The following DCLK2 variants were observed in gnomAD, a reference collection of about 807,000 sequenced individuals.
DCLK2 encodes serine/threonine-protein kinase DCLK2.
In DCLK2, 31 loss-of-function variants were observed where a neutral mutation model predicts 78.4. The observed-to-expected ratio is 0.40, with a 90% CI of 0.30 to 0.53. The LOEUF is 0.53. Among genes scored for constraint, DCLK2 ranks in the 20% least tolerant of loss-of-function variants. The pLI is 0.61. For missense variants in DCLK2, 872 were observed against 973.7 expected (o/e 0.90, Z 1.39); for synonymous variants, 407 against 374.9 (o/e 1.09, Z -0.99).
chr4:150,092,896 A>G (rs915904310), intron 1 of DCLK2, among the ~76,000 whole-genome samples: 2 of 152,120 alleles, frequency 1.3e-5, no homozygotes, highest in African/African-American at 4.8e-5. Context: ...AAGGATGCCC[A>G]CTCTTGCCAC....
At position 150,144,660 on chromosome 4, in the gene DCLK2, C is replaced by A. The variant is rs533722642; in HGVS notation, c.756+41848C>A. 5.3e-5 allele frequency among the ~76,000 whole-genome samples: 8 copies of A among 152,248 alleles called. No homozygotes were observed. The South Asian group carries it at 1.7e-3, about 32-fold the overall frequency. On this transcript the variant is annotated intron_variant, in intron 2 of 15. Transcript: ENST00000296550. ...GGAGTGCAGTGGCATGATCACAGCT[C>A]ACTGCAGCCTCAAACTCTTGGGCTC...
intron 2 of DCLK2, among the ~76,000 whole-genome samples, chr4:150,167,309 A>C (rs1023522427): frequency 6.6e-6 from 1 of 152,260 alleles, no homozygotes; most frequent in Non-Finnish European, 1.5e-5. Context: ...TGACTACACA[A>C]GTGACTGCTA....
At chr4:150,120,907 A>G (rs1732482506) in intron 2 of DCLK2, among the ~76,000 whole-genome samples, 2 of 152,066 alleles carry the variant, frequency 1.3e-5, no homozygotes, top group Non-Finnish European at 2.9e-5. Flanking sequence ...CATCTCTACT[A>G]AAAATACAAA....
intron 1 of DCLK2, among the ~76,000 whole-genome samples, chr4:150,093,184 A>G (rs1476897354): frequency 6.6e-6 from 1 of 152,236 alleles, no homozygotes; most frequent in Non-Finnish European, 1.5e-5. Context: ...ATAGCATTAC[A>G]AAATTAAATA....
At chr4:150,247,178 G>A (rs898791570) in intron 12 of DCLK2, among the ~76,000 whole-genome samples, 2 of 151,968 alleles carry the variant, frequency 1.3e-5, no homozygotes, top group African/African-American at 2.4e-5. Flanking sequence ...CATTATTTGT[G>A]GATTCAAATA....
chr4:150,097,422 C>T (rs1159690353), intron 1 of DCLK2, among the ~76,000 whole-genome samples: 2 of 152,126 alleles, frequency 1.3e-5, no homozygotes, highest in Admixed American at 6.5e-5. Context: ...CTTGGCCTCC[C>T]AAAATGCTGG....
chr4:150,101,198 T>C (rs1730865918), intron 1 of DCLK2, among the ~76,000 whole-genome samples: 1 of 152,146 alleles, frequency 6.6e-6, no homozygotes, highest in Non-Finnish European at 1.5e-5. Context: ...GAGGCTGCAG[T>C]GAGCCATGAT....
Position 150,095,720 on chromosome 4 carries a change from C to T in DCLK2, c.422-6758C>T, listed in dbSNP as rs182787341. On this transcript the variant is annotated intron_variant, in intron 1 of 15. Coordinates refer to ENST00000296550, the MANE Select transcript of DCLK2 (RefSeq NM_001040260.4). The stretch of plus-strand genomic sequence containing the variant: ...TAAGTGATTGAACCAATCAGTTTTT[C>T]CTAAGTGATTTAACCAATTTAAAAG... Among the ~76,000 whole-genome samples, 452 of 152,220 alleles carry T rather than the reference C, an allele frequency of 3.0e-3. 4 individuals are homozygous for T. The highest frequency in any genetic ancestry group is 0.01 in the African/African-American group (432 of 41,528).
Position 150,243,188 on chromosome 4 carries a change from G to A in DCLK2, c.1778+2712G>A, listed in dbSNP as rs557382586. 2.0e-5 allele frequency among the ~76,000 whole-genome samples: 3 copies of A among 152,294 alleles called. No individual in the cohort carries two copies. The East Asian group carries it at 5.8e-4, about 29-fold the overall frequency. On this transcript the variant is annotated intron_variant, in intron 12 of 15. Transcript: ENST00000296550. ...ATCATGGATTGATACTGAACGGGGA[G>A]CAGCTTTTTTGTGGGGTCTAGAGAT...
At chr4:150,132,161 C>G (rs1733358449) in intron 2 of DCLK2, among the ~76,000 whole-genome samples, 1 of 151,584 alleles carries the variant, frequency 6.6e-6, no homozygotes, top group Non-Finnish European at 1.5e-5. Context: ...GCTGCTATCC[C>G]CTCCTCTTCA....
intron 1 of DCLK2, among the ~76,000 whole-genome samples, chr4:150,086,354 C>G (rs1464557649): frequency 6.6e-6 from 1 of 152,020 alleles, no homozygotes; most frequent in Non-Finnish European, 1.5e-5. Flanking sequence ...TTCCTTGCCC[C>G]TTTGTGTTTC....
intron 2 of DCLK2, among the ~76,000 whole-genome samples, chr4:150,105,390 C>T (rs553596424): frequency 6.6e-6 from 1 of 151,324 alleles, no homozygotes; most frequent in African/African-American, 2.5e-5. Context: ...AATTAGTGAA[C>T]ATTAAAAAAT....
chr4:150,175,393 A>G (rs1334412809), intron 2 of DCLK2: 3 of 151,702 alleles, frequency 2.0e-5, no homozygotes, highest in African/African-American at 7.3e-5. Context: ...CAGAACCAGC[A>G]ATTGTGGTCT....
At chr4:150,243,614 C>T (rs1390042355) in intron 12 of DCLK2, among the ~76,000 whole-genome samples, 1 of 152,194 alleles carries the variant, frequency 6.6e-6, no homozygotes, top group Non-Finnish European at 1.5e-5. Context: ...AAACTACAAT[C>T]GTTACTTGGA....
At chr4:150,105,706 ATAGTTGT>A (rs1353397827) in intron 2 of DCLK2, among the ~76,000 whole-genome samples, 1 of 152,074 alleles carries the variant, frequency 6.6e-6, no homozygotes, top group African/African-American at 2.4e-5. Flanking sequence ...AAAGTAGAAA[ATAGTTGT>A]TATATTACCA....
At chr4:150,249,785 C>T (rs140907735) in intron 15 of DCLK2, 101 bp downstream of exon 15, 305 of 916,258 alleles carry the variant, frequency 3.3e-4, no homozygotes, top group South Asian at 3.1e-3. Context: ...TGGTGCCTTC[C>T]GTAGTCCTAT....
At chr4:150,160,717 C>T (rs1444469162) in intron 2 of DCLK2, among the ~76,000 whole-genome samples, 1 of 152,200 alleles carries the variant, frequency 6.6e-6, no homozygotes, top group East Asian at 1.9e-4. Context: ...CCCATCCAAC[C>T]ATCAGGTTCA....
In DCLK2 at chr4:150,187,022, C is replaced by T. The variant is rs190386043; in HGVS notation, c.757-6116C>T. ...GTTAAATATGCAAATGTAATTTTAG[C>T]ATAAAAATAAGATCGATGTGCTTAC... On this transcript the variant is annotated intron_variant, in intron 2 of 15. Transcript: ENST00000296550. Among the ~76,000 whole-genome samples the T allele has an allele frequency of 1.4e-4, 21 of 151,960 alleles. No homozygotes were observed. The East Asian group carries it at 4.1e-3, about 29-fold the overall frequency.
At chr4:150,110,540 A>G (rs1731602940) in intron 2 of DCLK2, among the ~76,000 whole-genome samples, 1 of 151,892 alleles carries the variant, frequency 6.6e-6, no homozygotes, top group Admixed American at 6.6e-5. Context: ...ACATGGATGA[A>G]TTGTATGGTG....
Sources: gnomAD v4.1 joint callset for allele counts (sites outside exome capture counted in the v4.1 genomes callset) on GRCh38, gnomAD v4.1.1 for gene constraint, MANE v1.5 for transcripts, NCBI Gene and HGNC (gene_info 2026-07-23, HGNC 2026-07-21) for gene names.